CDC5L: variants seen among roughly 807,000 people sequenced by gnomAD.
CDC5L encodes cell division cycle 5 like.
CDC5L carries 18 observed loss-of-function variants against 104.1 expected under a neutral mutation model. The observed-to-expected ratio is 0.17, with a 90% CI of 0.12 to 0.26. The LOEUF (loss-of-function observed/expected upper bound fraction) is 0.26. Among genes scored for constraint, CDC5L ranks in the 10% least tolerant of loss-of-function variants. CDC5L has a pLI of 1.00. For synonymous variants in CDC5L, 331 were observed against 322.7 expected (o/e 1.03, Z -0.28); for missense variants, 673 against 956.9 (o/e 0.70, Z 3.91).
chr6:44,428,152 C>T (rs531451223), intron 13 of CDC5L, among the ~76,000 whole-genome samples: 1 of 152,280 alleles, frequency 6.6e-6, no homozygotes, highest in South Asian at 2.1e-4. Flanking sequence ...TTACTCTGTG[C>T]AGTTTCAGAG....
intron 4 of CDC5L, 72 bp downstream of exon 4, chr6:44,393,645 T>C: frequency 7.0e-7 from 1 of 1,438,112 alleles, no homozygotes; most frequent in Non-Finnish European, 9.4e-7. Flanking sequence ...TTTTAGTTCC[T>C]TTCTGAACTC....
chr6:44,387,972 G>C, intron 1 of CDC5L, 104 bp downstream of exon 1: 6 of 1,047,272 alleles, frequency 5.7e-6, no homozygotes, highest in Non-Finnish European at 5.6e-6. Context: ...TGTGGGGTCT[G>C]CGTGGAGGGC....
At chr6:44,404,064 T>A in intron 6 of CDC5L, 37 bp downstream of exon 6, 1 of 1,474,376 alleles carries the variant, frequency 6.8e-7, no homozygotes, top group Non-Finnish European at 9.4e-7. Context: ...TGGAAAGGAA[T>A]AGTAGGAGGA....
chr6:44,434,038 A>G (rs1021961965), intron 14 of CDC5L, among the ~76,000 whole-genome samples: 37 of 152,086 alleles, frequency 2.4e-4, no homozygotes, highest in African/African-American at 7.2e-4. Flanking sequence ...AATTCACAGT[A>G]CTTTGGAATA....
rs1361736177 is a variant in CDC5L, at chr6:44,426,704, T to A, written c.1873T>A (p.Ser625Thr). 1.2e-6 allele frequency: 2 copies of A among 1,612,600 alleles called. No homozygotes were observed. Among genetic ancestry groups the A allele is most frequent in the African/African-American group, 2.7e-5 (2 of 74,856 alleles). The change falls in exon 13 of 16, where the codon TCC (serine) becomes ACC (threonine). Residue 625 changes from serine (S) to threonine (T), a missense_variant. This residue lies in a region of CDC5L where 578 missense variants were observed against 737.0 expected (regional missense o/e 0.78). Coordinates refer to ENST00000371477, the MANE Select transcript of CDC5L (RefSeq NM_001253.4). ...YLEHNPYEKFSKEELKKAQDV... is the reference protein window; with the variant it reads ...YLEHNPYEKFTKEELKKAQDV... ...GGAACATAATCCTTATGAAAAGTTC[T>A]CCAAAGAAGAGCTGAAAAAGGTATG...
intron 11 of CDC5L, among the ~76,000 whole-genome samples, chr6:44,425,152 A>G (rs928673729): frequency 6.6e-6 from 1 of 152,230 alleles, no homozygotes; most frequent in African/African-American, 2.4e-5. Flanking sequence ...ACGTAACAGC[A>G]CAGTGATATA....
intron 2 of CDC5L, 77 bp downstream of exon 2, chr6:44,390,448 T>C: frequency 1.1e-6 from 1 of 910,256 alleles, no homozygotes. Context: ...TCTGTGAACC[T>C]TATCAAAGAA....
intron 6 of CDC5L, among the ~76,000 whole-genome samples, chr6:44,405,517 A>G (rs1791324517): frequency 6.6e-6 from 1 of 152,230 alleles, no homozygotes; most frequent in Non-Finnish European, 1.5e-5. Context: ...TTTAGATGTC[A>G]CTTGTCAGTA....
chr6:44,391,509 G>C (rs1287374612), intron 2 of CDC5L, among the ~76,000 whole-genome samples: 1 of 151,960 alleles, frequency 6.6e-6, no homozygotes, highest in African/African-American at 2.4e-5. Flanking sequence ...CGGCCTCCCA[G>C]AGTGCTGGGA....
At chr6:44,396,561 G>T in intron 5 of CDC5L, 121 bp downstream of exon 5, 1 of 623,532 alleles carries the variant, frequency 1.6e-6, no homozygotes, top group South Asian at 1.9e-5. Context: ...CAGCAATCAG[G>T]CAATCAATTC....
At chr6:44,420,686 G>C (rs755706288) in intron 9 of CDC5L, among the ~76,000 whole-genome samples, 8 of 152,048 alleles carry the variant, frequency 5.3e-5, no homozygotes, top group Non-Finnish European at 1.0e-4. Context: ...GCACCAACAT[G>C]ACACTCAAAG....
At chr6:44,412,111 G>A (rs1402205679) in intron 8 of CDC5L, among the ~76,000 whole-genome samples, 1 of 152,176 alleles carries the variant, frequency 6.6e-6, no homozygotes, top group Non-Finnish European at 1.5e-5. Flanking sequence ...TCTCCTGGTG[G>A]CCCTGAAGTG....
At position 44,412,133 on chromosome 6, in the gene CDC5L, T is replaced by C. The variant is rs908648316; in HGVS notation, c.1092+3501T>C. 3.4e-4 allele frequency among the ~76,000 whole-genome samples: 52 copies of C among 152,194 alleles called. 1 individual carries two copies. The highest frequency in any genetic ancestry group is 1.6e-4 in the Non-Finnish European group (11 of 68,024). ...GTGGCCCTGAAGTGATGGAGATGCT[T>C]CTGATAGAGGCTCTGTCAGTGTTAC... On this transcript the variant is annotated intron_variant, in intron 8 of 15. Transcript: ENST00000371477.
chr6:44,436,143 A>G (rs913904046), intron 14 of CDC5L, among the ~76,000 whole-genome samples: 1 of 152,206 alleles, frequency 6.6e-6, no homozygotes, highest in African/African-American at 2.4e-5. Context: ...GAGATACTGT[A>G]TGATTAGCAA....
At position 44,439,742 on chromosome 6, in the gene CDC5L, G is replaced by A. The variant is rs566951581; in HGVS notation, c.2092-5913G>A. 7.5e-4 allele frequency among the ~76,000 whole-genome samples: 115 copies of A among 152,322 alleles called. 1 individual carries two copies. In the Middle Eastern group the frequency reaches 0.01, roughly 14 times the overall value. ...TAATCAGACCTGACATTTGTTGACTGCTTATTCTGTGCCAGGCACTGGACA... is the reference window on the plus strand; with the variant it reads ...TAATCAGACCTGACATTTGTTGACTACTTATTCTGTGCCAGGCACTGGACA... On this transcript the variant is annotated intron_variant, in intron 14 of 15. Coordinates refer to ENST00000371477, the MANE Select transcript of CDC5L (RefSeq NM_001253.4).
chr6:44,405,229 T>C (rs1401141043), intron 6 of CDC5L, among the ~76,000 whole-genome samples: 1 of 152,218 alleles, frequency 6.6e-6, no homozygotes, highest in Non-Finnish European at 1.5e-5. Flanking sequence ...AGTTTTCTAC[T>C]CCGTTGACCT....
In CDC5L at chr6:44,419,673, T is replaced by C; in HGVS notation, c.1241+76T>C. 3 of 1,107,038 alleles carry C rather than the reference T, an allele frequency of 2.7e-6. No homozygotes were observed. In the South Asian group the frequency reaches 3.9e-5, roughly 14 times the overall value. 68.6% of individuals were successfully genotyped at this position (1,107,038 alleles called of 1,614,324 possible). On this transcript the variant is annotated intron_variant, in intron 9 of 15. Coordinates refer to ENST00000371477, the MANE Select transcript of CDC5L (RefSeq NM_001253.4). Reference sequence around the variant, plus strand: ...TTAGCATATTTGCTTTAGTAATGTTTACGGAGAATGACTACTTATTGTGTT... The same window carrying C: ...TTAGCATATTTGCTTTAGTAATGTTCACGGAGAATGACTACTTATTGTGTT...
rs561230407 is a variant in CDC5L, at chr6:44,400,595, C to A, written c.540-3214C>A. Among the ~76,000 whole-genome samples, 6 of 152,284 alleles carry A rather than the reference C, an allele frequency of 3.9e-5. No individual in the cohort carries two copies. In the South Asian group the frequency reaches 8.3e-4, roughly 21 times the overall value. ...TAAAGACAGGGTTTCCCCATGTTGGCCAGGCTGGTCTTGTGACCTCAGATG... is the reference window on the plus strand; with the variant it reads ...TAAAGACAGGGTTTCCCCATGTTGGACAGGCTGGTCTTGTGACCTCAGATG... On this transcript the variant is annotated intron_variant, in intron 5 of 15. Transcript: ENST00000371477.
intron 5 of CDC5L, among the ~76,000 whole-genome samples, chr6:44,401,340 C>G (rs771446267): frequency 2.6e-5 from 4 of 152,086 alleles, no homozygotes; most frequent in Non-Finnish European, 4.4e-5. Context: ...GAGCCCTCAT[C>G]TCATAAGCCA....
Sources: gnomAD v4.1 joint callset for allele counts (sites outside exome capture counted in the v4.1 genomes callset) on GRCh38, gnomAD v4.1.1 for gene constraint, gnomAD v4.1.1 regional missense constraint, MANE v1.5 for transcripts, NCBI Gene and HGNC (gene_info 2026-07-23, HGNC 2026-07-21) for gene names.